LUZP2: variants seen among roughly 807,000 people sequenced by gnomAD.
LUZP2 encodes leucine zipper protein 2.
A neutral mutation model predicts 51.6 loss-of-function variants in LUZP2; 52 were observed. The observed-to-expected ratio is 1.01, with a 90% CI of 0.81 to 1.27. LUZP2 has a LOEUF of 1.27. Ranked by LOEUF, LUZP2 falls within the 50% of genes most tolerant of loss-of-function variation. The probability of loss-of-function intolerance (pLI) is 0.00; values close to 1 mark genes in which losing one functional copy is unlikely to be tolerated. For missense variants in LUZP2, 436 were observed against 395.4 expected, an observed-to-expected ratio of 1.10 and a Z score of -0.87; for synonymous variants, 154 against 137.3, an observed-to-expected ratio of 1.12 and a Z score of -0.85.
At chr11:24,615,676 T>C (rs1854261955) in intron 1 of LUZP2, among the ~76,000 whole-genome samples, 2 of 152,018 alleles carry the variant, frequency 1.3e-5, no homozygotes, top group Admixed American at 6.6e-5. Context: ...GAATATGTAA[T>C]TGTTGGTTGT....
At chr11:24,574,211 C>CCTTCCTTTCTTT (rs1301811202) in intron 1 of LUZP2, among the ~76,000 whole-genome samples, 94 of 6,072 alleles carry the variant, frequency 0.015, no homozygotes, top group African/African-American at 0.018. Flanking sequence ...TTTCTTCCTT[C>CCTTCCTTTCTTT]CTTTCTTTCT....
rs1265072128 is a variant in LUZP2 at position 24,911,913 on chromosome 11, GTTC to G, written c.460-2557_460-2555del. 3.9e-5 allele frequency among the ~76,000 whole-genome samples: 6 copies of G among 152,148 alleles called. No individual in the cohort carries two copies. In the South Asian group the frequency reaches 1.0e-3, roughly 26 times the overall value. Reference sequence around the variant, plus strand: ...TAGGTAGACTCAATCATGTCTTTTTGTTCTTCTTATGCATCATGCATTTCACCT... The same window carrying G: ...TAGGTAGACTCAATCATGTCTTTTTGTTCTTATGCATCATGCATTTCACCT... On this transcript the variant is annotated intron_variant, in intron 6 of 11. Transcript: ENST00000336930.
intron 1 of LUZP2, among the ~76,000 whole-genome samples, chr11:24,694,027 G>C (rs114350307): frequency 0.011 from 1,632 of 151,980 alleles, 39 homozygotes; most frequent in African/African-American, 0.038. Context: ...AAAATTCAGA[G>C]AGCAATTTGG....
intron 5 of LUZP2, among the ~76,000 whole-genome samples, chr11:24,870,443 A>G (rs139207161): frequency 9.8e-4 from 148 of 151,240 alleles, no homozygotes; most frequent in Admixed American, 2.0e-3. Context: ...TTCTGTATCT[A>G]TTGAAATCTA....
In LUZP2 at chr11:24,818,506, T is replaced by C. The variant is rs191860022; in HGVS notation, c.396+55198T>C. On this transcript the variant is annotated intron_variant, in intron 5 of 11. Coordinates refer to ENST00000336930, the MANE Select transcript of LUZP2 (RefSeq NM_001009909.4). Reference sequence around the variant, plus strand: ...ACGGCGGGGCTGCAATTCTAATAAATTATCTATGTTGAAAGCATGCGTATC... The same window carrying C: ...ACGGCGGGGCTGCAATTCTAATAAACTATCTATGTTGAAAGCATGCGTATC... 1.0e-3 allele frequency among the ~76,000 whole-genome samples: 152 copies of C among 152,116 alleles called. 1 individual carries two copies. The highest frequency in any genetic ancestry group is 1.8e-3 in the Non-Finnish European group (125 of 67,932).
intron 5 of LUZP2, among the ~76,000 whole-genome samples, chr11:24,808,764 A>G (rs1156770468): frequency 6.6e-6 from 1 of 152,172 alleles, no homozygotes; most frequent in Non-Finnish European, 1.5e-5. Context: ...GTCACATGTA[A>G]CAAATCCCAG....
chr11:25,053,126 A>T (rs1466697138), intron 10 of LUZP2, among the ~76,000 whole-genome samples: 1 of 152,160 alleles, frequency 6.6e-6, no homozygotes, highest in Non-Finnish European at 1.5e-5. Flanking sequence ...GGGAACAAAC[A>T]ATGAAAAGTC....
intron 4 of LUZP2, among the ~76,000 whole-genome samples, chr11:24,760,558 C>A (rs1859943202): frequency 6.6e-6 from 1 of 152,178 alleles, no homozygotes; most frequent in African/African-American, 2.4e-5. Context: ...AATTCTCAAG[C>A]TTCTCTTTCT....
intron 6 of LUZP2, among the ~76,000 whole-genome samples, chr11:24,907,815 C>A (rs1853506307): frequency 6.6e-6 from 1 of 152,066 alleles, no homozygotes; most frequent in Admixed American, 6.6e-5. Flanking sequence ...CGTATTTTTT[C>A]TTCATCTCAA....
chr11:25,031,443 C>G (rs930693212), intron 9 of LUZP2, among the ~76,000 whole-genome samples: 1 of 152,010 alleles, frequency 6.6e-6, no homozygotes, highest in South Asian at 2.1e-4. Flanking sequence ...TGTGGTGTTG[C>G]CTTTATGTCT....
At chr11:25,054,034 C>A (rs1332094970) in intron 10 of LUZP2, among the ~76,000 whole-genome samples, 1 of 152,114 alleles carries the variant, frequency 6.6e-6, no homozygotes, top group Non-Finnish European at 1.5e-5. Flanking sequence ...CCATATTCGG[C>A]CTCCAGAAAT....
At chr11:24,708,454 G>A (rs1303872531) in intron 1 of LUZP2, among the ~76,000 whole-genome samples, 1 of 152,060 alleles carries the variant, frequency 6.6e-6, no homozygotes, top group Non-Finnish European at 1.5e-5. Flanking sequence ...AATGCCTCTT[G>A]TATATCATTA....
chr11:24,582,156 T>C (rs1852881246), intron 1 of LUZP2, among the ~76,000 whole-genome samples: 2 of 152,170 alleles, frequency 1.3e-5, no homozygotes, highest in South Asian at 2.1e-4. Context: ...GTGAGAATGA[T>C]GTGGTTATCT....
intron 9 of LUZP2, among the ~76,000 whole-genome samples, chr11:24,998,616 T>C (rs80023695): frequency 0.027 from 4,101 of 152,320 alleles, 207 homozygotes; most frequent in African/African-American, 0.094. Flanking sequence ...ATCAGATTTT[T>C]AGAAATCTTT....
chr11:25,050,334 G>C (rs1298075381), intron 10 of LUZP2, among the ~76,000 whole-genome samples: 32 of 107,300 alleles, frequency 3.0e-4, no homozygotes, highest in East Asian at 1.0e-3. Context: ...CGGAGTCTTG[G>C]TCTGTCGCCC....
intron 9 of LUZP2, among the ~76,000 whole-genome samples, chr11:25,031,013 A>T (rs1309375178): frequency 0.26 from 1,081 of 4,200 alleles, 140 homozygotes; most frequent in African/African-American, 0.42. Flanking sequence ...ATATATATAT[A>T]TATTTTTTTT....
intron 5 of LUZP2, among the ~76,000 whole-genome samples, chr11:24,876,027 C>T (rs867022886): frequency 0.039 from 5,844 of 151,678 alleles, 357 homozygotes; most frequent in African/African-American, 0.13. Flanking sequence ...GAGTAGGTTG[C>T]GAAAATTTTC....
chr11:24,667,591 A>G lies in LUZP2; in HGVS notation c.63-61578A>G, dbSNP rs192247778. Among the ~76,000 whole-genome samples the G allele has an allele frequency of 6.6e-4, 100 of 152,314 alleles. 2 individuals carry two copies. The South Asian group carries it at 0.013, about 21-fold the overall frequency. ...GGGGAGCTGAGTGGGGAGAAAGCAG[A>G]GTTTGTACATTCAAAGAGCTGATGT... On this transcript the variant is annotated intron_variant, in intron 1 of 11. Transcript: ENST00000336930.
chr11:24,949,841 T>G (rs1855025077), intron 7 of LUZP2, among the ~76,000 whole-genome samples: 2 of 151,648 alleles, frequency 1.3e-5, no homozygotes, highest in Non-Finnish European at 3.0e-5. Flanking sequence ...GAAATTAGTT[T>G]GCGAACTTTT....
Sources: gnomAD v4.1 joint callset for allele counts (sites outside exome capture counted in the v4.1 genomes callset) on GRCh38, gnomAD v4.1.1 for gene constraint, MANE v1.5 for transcripts, NCBI Gene and HGNC (gene_info 2026-07-23, HGNC 2026-07-21) for gene names.